Variants in SCD5 observed in about 807,000 individuals in gnomAD.
The protein encoded by SCD5 is stearoyl-CoA desaturase 5, also known as acyl-CoA-desaturase 4.
Under a neutral mutation model 30.4 loss-of-function variants are expected in SCD5, and 20 were observed. The ratio of observed to expected loss-of-function variants is 0.66; its 90% confidence interval spans 0.46 to 0.96. The LOEUF (loss-of-function observed/expected upper bound fraction) is 0.96. Ranked by LOEUF, SCD5 falls within the 40% of genes least tolerant of loss-of-function variation. The probability of loss-of-function intolerance (pLI) is 0.00; values close to 1 mark genes in which losing one functional copy is unlikely to be tolerated. For missense variants in SCD5, 381 were observed against 443.3 expected (o/e 0.86, Z 1.26); for synonymous variants, 173 against 176.4 (o/e 0.98, Z 0.16).
At chr4:82,664,995 C>CTA (rs779503303) in intron 3 of SCD5, among the ~76,000 whole-genome samples, 2,155 of 82,830 alleles carry the variant, frequency 0.026, 23 homozygotes, top group East Asian at 0.05. Flanking sequence ...CTCTCTCTCT[C>CTA]TCTCTATATA....
At chr4:82,755,376 T>C (rs1248006302) in intron 1 of SCD5, among the ~76,000 whole-genome samples, 3 of 152,004 alleles carry the variant, frequency 2.0e-5, no homozygotes, top group Admixed American at 6.5e-5. Flanking sequence ...GGCACACGCC[T>C]GTAATTCCAG....
intron 1 of SCD5, among the ~76,000 whole-genome samples, chr4:82,753,078 G>A (rs2148843037): frequency 6.6e-6 from 1 of 152,262 alleles, no homozygotes; most frequent in East Asian, 1.9e-4. Context: ...CACATGGGAA[G>A]AGAAGAATCC....
At chr4:82,742,357 A>G (rs1463734091) in intron 1 of SCD5, among the ~76,000 whole-genome samples, 2 of 152,146 alleles carry the variant, frequency 1.3e-5, no homozygotes, top group African/African-American at 4.8e-5. Flanking sequence ...AGCTGGTGTG[A>G]GGTCTGACCG....
At chr4:82,790,646 C>T (rs1722081264) in intron 1 of SCD5, among the ~76,000 whole-genome samples, 1 of 152,198 alleles carries the variant, frequency 6.6e-6, no homozygotes, top group Admixed American at 6.5e-5. Context: ...GTCACCTGTG[C>T]ACCTATTTCT....
chr4:82,698,593 A>G (rs1162658056), intron 2 of SCD5, among the ~76,000 whole-genome samples: 1 of 152,206 alleles, frequency 6.6e-6, no homozygotes, highest in Non-Finnish European at 1.5e-5. Flanking sequence ...TGCCTGACAG[A>G]GCCTTGCACT....
At chr4:82,670,407 A>G (rs1229618682) in intron 3 of SCD5, among the ~76,000 whole-genome samples, 2 of 152,326 alleles carry the variant, frequency 1.3e-5, no homozygotes, top group Non-Finnish European at 1.5e-5. Context: ...TAGACTGGAC[A>G]TGGTTGAGGA....
intron 1 of SCD5, among the ~76,000 whole-genome samples, chr4:82,768,867 G>C (rs1721551923): frequency 6.6e-6 from 1 of 152,010 alleles, no homozygotes; most frequent in Admixed American, 6.6e-5. Context: ...GTAGTGTGAA[G>C]GTGGAAGGCT....
chr4:82,673,338 T>C (rs942491980), intron 3 of SCD5, among the ~76,000 whole-genome samples: 1 of 152,186 alleles, frequency 6.6e-6, no homozygotes, highest in Non-Finnish European at 1.5e-5. Context: ...ACAAGGTTAA[T>C]ATACAATAGT....
chr4:82,638,639 G>C (rs746332279), intron 3 of SCD5, among the ~76,000 whole-genome samples: 1 of 152,178 alleles, frequency 6.6e-6, no homozygotes, highest in Non-Finnish European at 1.5e-5. Flanking sequence ...GGCATCTCAA[G>C]CAGGAAGTAA....
intron 1 of SCD5, among the ~76,000 whole-genome samples, chr4:82,752,938 T>G (rs1317259774): frequency 6.6e-6 from 1 of 152,144 alleles, no homozygotes. Flanking sequence ...AAAATATATC[T>G]TTTACTTAAT....
chr4:82,779,988 G>A (rs768921711), intron 1 of SCD5, among the ~76,000 whole-genome samples: 1 of 152,172 alleles, frequency 6.6e-6, no homozygotes, highest in Non-Finnish European at 1.5e-5. Context: ...AGTTATTGTT[G>A]CTGTTCCTAA....
At chr4:82,731,358 A>G (rs4693507) in intron 1 of SCD5, among the ~76,000 whole-genome samples, 93,477 of 152,126 alleles carry the variant, frequency 0.61, 31,652 homozygotes, top group African/African-American at 0.91. Flanking sequence ...CACAGAGCAG[A>G]CCACTTGAAG....
intron 3 of SCD5, among the ~76,000 whole-genome samples, chr4:82,680,373 C>A (rs971111644): frequency 1.3e-5 from 2 of 152,172 alleles, no homozygotes; most frequent in Non-Finnish European, 2.9e-5. Context: ...GCCAGCCCCC[C>A]TTCTGCTACT....
intron 2 of SCD5, among the ~76,000 whole-genome samples, chr4:82,682,644 T>C (rs1456427657): frequency 6.6e-6 from 1 of 152,020 alleles, no homozygotes; most frequent in Non-Finnish European, 1.5e-5. Context: ...GGGAAGAAAT[T>C]GTTTTGTTTT....
intron 3 of SCD5, among the ~76,000 whole-genome samples, chr4:82,647,726 TC>T (rs1251295367): frequency 1.3e-5 from 2 of 151,264 alleles, no homozygotes; most frequent in East Asian, 1.9e-4. Flanking sequence ...TTATTTGATG[TC>T]CCTTCAGTAT....
chr4:82,654,902 A>G lies in SCD5; in HGVS notation c.570-18079T>C, dbSNP rs377616160. 2.8e-4 allele frequency among the ~76,000 whole-genome samples: 42 copies of G among 152,326 alleles called. 1 individual carries two copies. The South Asian group carries it at 8.1e-3, about 29-fold the overall frequency. On this transcript the variant is annotated intron_variant, in intron 3 of 4. Transcript: ENST00000319540. ...ATAAACCAAAAAAGAAACATGTAAG[A>G]CCTACACATAGAGAATTTTTAACAT...
In SCD5 at chr4:82,633,807, C is replaced by T. The variant is rs754548385; in HGVS notation, c.803-2290G>A. 4.3e-4 allele frequency among the ~76,000 whole-genome samples: 66 copies of T among 152,172 alleles called. 1 individual carries two copies. The highest frequency in any genetic ancestry group is 3.1e-4 in the Non-Finnish European group (21 of 68,026). The stretch of plus-strand genomic sequence containing the variant: ...GTACAATTCACCCTCTTGAAGTATA[C>T]AATTTAATGGCTTTTAATATATTCA... On this transcript the variant is annotated intron_variant, in intron 4 of 4. Transcript: ENST00000319540.
At chr4:82,765,759 G>A (rs929875469) in intron 1 of SCD5, among the ~76,000 whole-genome samples, 2 of 152,006 alleles carry the variant, frequency 1.3e-5, no homozygotes, top group Admixed American at 6.6e-5. Context: ...TGGGACTACA[G>A]GTGTGCACCG....
At chr4:82,766,589 T>C (rs1427779624) in intron 1 of SCD5, among the ~76,000 whole-genome samples, 2 of 152,226 alleles carry the variant, frequency 1.3e-5, no homozygotes, top group Non-Finnish European at 2.9e-5. Context: ...TATTGATTGC[T>C]TTTTCTCTTC....
Sources: allele counts gnomAD v4.1 joint callset (sites outside exome capture counted in the v4.1 genomes callset), GRCh38; gene constraint gnomAD v4.1.1; transcripts MANE v1.5; gene names NCBI Gene and HGNC (gene_info 2026-07-23, HGNC 2026-07-21).